Variants in MYZAP observed in about 807,000 individuals in gnomAD.
The protein encoded by MYZAP is myocardial zonula adherens protein.
In MYZAP, 66 loss-of-function variants were observed where a neutral mutation model predicts 69.4. The ratio of observed to expected loss-of-function variants is 0.95; its 90% CI spans 0.78 to 1.17. The LOEUF is 1.17. Among genes scored for constraint, MYZAP ranks in the 50% most tolerant of loss-of-function variants. The pLI, the probability that MYZAP is intolerant of heterozygous loss-of-function variation, is 0.00. For missense variants in MYZAP, 611 were observed against 556.2 expected (o/e 1.10, Z -0.99); for synonymous variants, 256 against 205.9 (o/e 1.24, Z -2.09).
chr15:57,657,672 C>T (rs1234297918), intron 10 of MYZAP, among the ~76,000 whole-genome samples: 1 of 152,066 alleles, frequency 6.6e-6, no homozygotes, highest in Non-Finnish European at 1.5e-5. Context: ...ATGGAAATAA[C>T]CTTATTTCTC....
At chr15:57,635,287 G>T (rs1325820783) in intron 8 of MYZAP, among the ~76,000 whole-genome samples, 1 of 152,176 alleles carries the variant, frequency 6.6e-6, no homozygotes, top group Non-Finnish European at 1.5e-5. Flanking sequence ...GCTAAGCATG[G>T]TTCCTCGTAT....
chr15:57,682,225 A>G (rs1826596947), intron 12 of MYZAP, among the ~76,000 whole-genome samples: 1 of 152,198 alleles, frequency 6.6e-6, no homozygotes, highest in African/African-American at 2.4e-5. Context: ...TATGCTCTAC[A>G]TAAAAGGGAA....
chr15:57,641,140 C>G (rs2037132138), intron 10 of MYZAP, among the ~76,000 whole-genome samples: 2 of 152,188 alleles, frequency 1.3e-5, no homozygotes, highest in Non-Finnish European at 1.5e-5. Context: ...GTGTCTGTGT[C>G]ATTCTTGTAT....
rs113066629 is a variant in MYZAP at position 57,643,856 on chromosome 15, C to G, written c.1119+4311C>G. On this transcript the variant is annotated intron_variant, in intron 10 of 12. Coordinates refer to ENST00000267853, the MANE Select transcript of MYZAP (RefSeq NM_001018100.5). ...GTGATATAGGAAATGTTTCTTCCAA[C>G]AGGGTCTGAAGGGAGTTTCTTTTCA... Among the ~76,000 whole-genome samples the G allele has an allele frequency of 9.3e-3, 1,412 of 151,962 alleles. 8 individuals carry two copies. The highest frequency in any genetic ancestry group is 0.016 in the Non-Finnish European group (1,093 of 68,002).
chr15:57,606,828 T>C (rs555501097), intron 2 of MYZAP, among the ~76,000 whole-genome samples: 35 of 152,246 alleles, frequency 2.3e-4, no homozygotes, highest in Non-Finnish European at 4.7e-4. Flanking sequence ...TTTCTTGTGA[T>C]GATGGTACTA....
chr15:57,643,936 A>AC (rs1476550316), intron 10 of MYZAP, among the ~76,000 whole-genome samples: 3 of 152,010 alleles, frequency 2.0e-5, no homozygotes, highest in Admixed American at 6.6e-5. Flanking sequence ...ATTACACTCT[A>AC]CCCCACTTTG....
intron 10 of MYZAP, chr15:57,647,194 G>T (rs1030070774): frequency 4.3e-5 from 42 of 985,302 alleles, no homozygotes; most frequent in Non-Finnish European, 4.8e-5. Flanking sequence ...CCCAGCTTAA[G>T]CAAGGAGGGA....
rs2034614853 is a variant in MYZAP, at chr15:57,604,462, TC to T, written c.162+108del. ...TTCCCAGAGGCTGGGTGTCTGCACC[TC>T]TGTTGAGGAGAAGGCCCTCTCAACC... On this transcript the variant is annotated intron_variant, in intron 2 of 12. Transcript: ENST00000267853. 2.5e-6 allele frequency: 3 copies of T among 1,190,172 alleles called. No individual in the cohort carries two copies. In the African/African-American group the frequency reaches 4.6e-5, roughly 18 times the overall value. The allele number at this position is 1,190,172 out of a possible 1,614,324, so 73.7% of individuals were successfully genotyped here.
Position 57,591,970 on chromosome 15 carries a change from C to G in MYZAP, c.-65C>G, listed in dbSNP as rs1450008179. ...CGCGTCGCCCCCGCGCAGGGCGGGC[C>G]CCGCACGCTTATTCTGCCCGGGAGG... On this transcript the variant is annotated 5_prime_UTR_variant, in exon 1 of 13. Coordinates refer to ENST00000267853, the MANE Select transcript of MYZAP (RefSeq NM_001018100.5). 3 of 1,324,608 alleles carry G rather than the reference C, an allele frequency of 2.3e-6. No homozygotes were observed. Among genetic ancestry groups the G allele is most frequent in the Non-Finnish European group, 1.9e-6 (2 of 1,037,746 alleles). 82.1% of individuals were successfully genotyped at this position (1,324,608 alleles called of 1,614,324 possible). A position where few individuals can be genotyped will look rare whatever the true frequency, so the allele number is the denominator to read the frequency against.
At chr15:57,668,326 A>C (rs535092016) in intron 11 of MYZAP, among the ~76,000 whole-genome samples, 2 of 152,284 alleles carry the variant, frequency 1.3e-5, no homozygotes, top group South Asian at 4.2e-4. Flanking sequence ...TGGGTCGTAA[A>C]AGGAGGTATA....
intron 12 of MYZAP, among the ~76,000 whole-genome samples, chr15:57,681,057 A>G (rs1419544861): frequency 6.6e-6 from 1 of 152,192 alleles, no homozygotes; most frequent in Non-Finnish European, 1.5e-5. Flanking sequence ...CTTCTTTTTT[A>G]AAAGATCGGG....
At chr15:57,617,882 C>A in intron 2 of MYZAP, 151 bp from the exon 3 acceptor site, 1 of 1,092,382 alleles carries the variant, frequency 9.2e-7, no homozygotes, top group East Asian at 2.7e-5. Context: ...TGAACAGAGA[C>A]TAGATGGGAT....
chr15:57,607,913 T>C (rs1278898356), intron 2 of MYZAP, among the ~76,000 whole-genome samples: 6 of 152,196 alleles, frequency 3.9e-5, no homozygotes, highest in Non-Finnish European at 7.4e-5. Context: ...GGGGAGACTC[T>C]GTAGGGGCCA....
Position 57,684,593 on chromosome 15 carries a change from A to G in MYZAP, c.*95A>G. 1 of 781,456 alleles carries G rather than the reference A, an allele frequency of 1.3e-6. No homozygotes were observed. The highest frequency in any genetic ancestry group is 2.1e-6 in the Non-Finnish European group (1 of 465,924). The allele number at this position is 781,456 out of a possible 1,614,324, so 48.4% of individuals were successfully genotyped here. On this transcript the variant is annotated 3_prime_UTR_variant, in exon 13 of 13. Transcript: ENST00000267853. ...GAAGGGTGACTGTTGTTTCCCCTACACACAGTGTAAGCCGGAATGGGAATC... is the reference window on the plus strand; with the variant it reads ...GAAGGGTGACTGTTGTTTCCCCTACGCACAGTGTAAGCCGGAATGGGAATC...
At chr15:57,681,372 C>T (rs757456430) in intron 12 of MYZAP, among the ~76,000 whole-genome samples, 79 of 152,214 alleles carry the variant, frequency 5.2e-4, no homozygotes, top group Admixed American at 1.6e-3. Flanking sequence ...GGGGTAATAG[C>T]TCTGTGGCTG....
chr15:57,633,843 A>G, intron 8 of MYZAP, 102 bp downstream of exon 8: 1 of 1,293,736 alleles, frequency 7.7e-7, no homozygotes, highest in Non-Finnish European at 9.9e-7. Flanking sequence ...CTCACCTCCA[A>G]AATTTGCAAT....
At chr15:57,618,665 G>C (rs139723031) in intron 3 of MYZAP, among the ~76,000 whole-genome samples, 1 of 152,168 alleles carries the variant, frequency 6.6e-6, no homozygotes, top group Admixed American at 6.5e-5. Context: ...TATCTTTTAA[G>C]TTACATGTTC....
chr15:57,653,485 T>A (rs571391048), intron 10 of MYZAP, among the ~76,000 whole-genome samples: 1 of 152,302 alleles, frequency 6.6e-6, no homozygotes, highest in Admixed American at 6.5e-5. Context: ...AATGTTCAAA[T>A]AAAATAAACT....
intron 4 of MYZAP, among the ~76,000 whole-genome samples, chr15:57,625,364 G>T (rs1229446715): frequency 6.6e-6 from 1 of 152,180 alleles, no homozygotes; most frequent in African/African-American, 2.4e-5. Context: ...ACACTCTTGA[G>T]AATTGAGTGA....
Sources: gnomAD v4.1 joint callset for allele counts (sites outside exome capture counted in the v4.1 genomes callset) on GRCh38, gnomAD v4.1.1 for gene constraint, MANE v1.5 for transcripts, NCBI Gene and HGNC (gene_info 2026-07-23, HGNC 2026-07-21) for gene names.